TTC7B: variants seen among roughly 807,000 people sequenced by gnomAD.
TTC7B encodes the protein tetratricopeptide repeat protein 7B.
A neutral mutation model predicts 106.8 loss-of-function variants in TTC7B; 28 were observed. The ratio of observed to expected loss-of-function variants is 0.26; its 90% confidence interval spans 0.19 to 0.36. The LOEUF is 0.36. TTC7B is among the 10% of genes least tolerant of loss of function. The probability of loss-of-function intolerance (pLI) is 1.00; values close to 1 mark genes in which losing one functional copy is unlikely to be tolerated. For missense variants in TTC7B, 862 were observed against 1,076.4 expected, an observed-to-expected ratio of 0.80 and a Z score of 2.79; for synonymous variants, 405 against 430.6, an observed-to-expected ratio of 0.94 and a Z score of 0.74.
chr14:90,594,733 G>A (rs546228958), intron 17 of TTC7B, among the ~76,000 whole-genome samples: 11 of 152,234 alleles, frequency 7.2e-5, no homozygotes, highest in African/African-American at 2.6e-4. Flanking sequence ...AATAAATGGA[G>A]TTATATTCTT....
chr14:90,766,371 A>G (rs1172393733), intron 3 of TTC7B, among the ~76,000 whole-genome samples: 1 of 152,204 alleles, frequency 6.6e-6, no homozygotes, highest in African/African-American at 2.4e-5. Flanking sequence ...AGAAACACCC[A>G]TTTTAAAGAT....
intron 3 of TTC7B, among the ~76,000 whole-genome samples, chr14:90,758,979 T>C (rs11845085): frequency 0.081 from 12,385 of 152,274 alleles, 1,169 homozygotes; most frequent in African/African-American, 0.23. Flanking sequence ...GTATTATATT[T>C]TTACAATTCC....
At chr14:90,617,152 G>A (rs1279797921) in intron 16 of TTC7B, among the ~76,000 whole-genome samples, 3 of 152,138 alleles carry the variant, frequency 2.0e-5, no homozygotes, top group South Asian at 2.1e-4. Context: ...TCCCATTGAC[G>A]GAGCTACTTT....
In TTC7B at chr14:90,816,389, G is replaced by A. The variant is rs1346008038; in HGVS notation, c.-94C>T. The A allele has an allele frequency of 4.6e-5, 31 of 680,802 alleles. No individual in the cohort carries two copies. Among genetic ancestry groups the A allele is most frequent in the Non-Finnish European group, 5.6e-5 (31 of 555,094 alleles). 42.2% of individuals were successfully genotyped at this position (680,802 alleles called of 1,614,324 possible). A position where few individuals can be genotyped will look rare whatever the true frequency, so the allele number is the denominator to read the frequency against. On this transcript the variant is annotated 5_prime_UTR_variant, in exon 1 of 20. Transcript: ENST00000328459. Reference sequence around the variant, plus strand: ...GCCTCCCGCCGCCGCCGCGGGCTCGGGCTCCGGCTCCCGGCTCCGCGGCGT... The same window carrying A: ...GCCTCCCGCCGCCGCCGCGGGCTCGAGCTCCGGCTCCCGGCTCCGCGGCGT...
chr14:90,690,845 G>A (rs570337410), intron 6 of TTC7B, among the ~76,000 whole-genome samples: 2 of 152,268 alleles, frequency 1.3e-5, no homozygotes, highest in Admixed American at 6.5e-5. Flanking sequence ...ACACCACAAG[G>A]AAAATTAAAT....
intron 17 of TTC7B, among the ~76,000 whole-genome samples, chr14:90,594,113 C>T (rs1185653186): frequency 6.6e-6 from 1 of 152,112 alleles, no homozygotes; most frequent in Non-Finnish European, 1.5e-5. Flanking sequence ...CAAGCCTGGC[C>T]TTGGAGAGGT....
intron 3 of TTC7B, among the ~76,000 whole-genome samples, chr14:90,777,395 G>C (rs1021601560): frequency 6.6e-6 from 1 of 152,114 alleles, no homozygotes; most frequent in Non-Finnish European, 1.5e-5. Context: ...TTGGGGTTTG[G>C]AGAGTTAAAG....
chr14:90,551,715 G>A (rs1000464093), intron 19 of TTC7B, among the ~76,000 whole-genome samples: 6 of 152,192 alleles, frequency 3.9e-5, no homozygotes, highest in Admixed American at 6.5e-5. Flanking sequence ...GGTTTCCTTG[G>A]AGCAGCTCAG....
At chr14:90,747,881 C>T (rs369082722) in intron 3 of TTC7B, among the ~76,000 whole-genome samples, 13 of 152,166 alleles carry the variant, frequency 8.5e-5, no homozygotes, top group Admixed American at 7.9e-4. Context: ...AAACCTGCTT[C>T]GTCTGATATT....
rs186729175 is a variant in TTC7B at position 90,588,634 on chromosome 14, A to C, written c.2107+4852T>G. Among the ~76,000 whole-genome samples the C allele has an allele frequency of 3.5e-3, 527 of 152,314 alleles. 7 individuals are homozygous for C. Among genetic ancestry groups the C allele is most frequent in the African/African-American group, 0.012 (510 of 41,568 alleles). ...CTAATGGGGCTCTCCTGACTTCTGC[A>C]TAGTGAGACTGCAAAGGTGCTCACT... On this transcript the variant is annotated intron_variant, in intron 18 of 19. Transcript: ENST00000328459.
chr14:90,636,598 GA>G, intron 15 of TTC7B, among the ~76,000 whole-genome samples: 1 of 152,044 alleles, frequency 6.6e-6, no homozygotes, highest in Admixed American at 6.5e-5. Flanking sequence ...AACAAATGCA[GA>G]AAACATTCTT....
intron 5 of TTC7B, among the ~76,000 whole-genome samples, chr14:90,718,931 A>C (rs1205904112): frequency 6.6e-6 from 1 of 151,650 alleles, no homozygotes; most frequent in African/African-American, 2.4e-5. Flanking sequence ...AAATGGGGGC[A>C]AAGGGTTAAA....
chr14:90,782,125 C>T (rs886910518), intron 2 of TTC7B, among the ~76,000 whole-genome samples: 18 of 152,116 alleles, frequency 1.2e-4, no homozygotes, highest in African/African-American at 3.9e-4. Context: ...CCAGCGTGGT[C>T]GGCTTCCAGG....
chr14:90,736,504 G>A (rs1034605296), intron 4 of TTC7B, among the ~76,000 whole-genome samples: 4 of 151,978 alleles, frequency 2.6e-5, no homozygotes, highest in Admixed American at 1.3e-4. Context: ...CCCAGGAGGC[G>A]GAGGTAGCCG....
chr14:90,785,625 G>A, intron 2 of TTC7B, among the ~76,000 whole-genome samples: 1 of 152,148 alleles, frequency 6.6e-6, no homozygotes, highest in Non-Finnish European at 1.5e-5. Context: ...AATGAGACCG[G>A]AAAACAGAAT....
chr14:90,768,346 A>G (rs1298565861), intron 3 of TTC7B, among the ~76,000 whole-genome samples: 1 of 152,168 alleles, frequency 6.6e-6, no homozygotes, highest in Non-Finnish European at 1.5e-5. Context: ...CCTTCTTTAC[A>G]AGGCAGTGGG....
At chr14:90,777,346 G>A (rs1891066398) in intron 3 of TTC7B, among the ~76,000 whole-genome samples, 1 of 152,140 alleles carries the variant, frequency 6.6e-6, no homozygotes, top group Non-Finnish European at 1.5e-5. Context: ...CTACGCTTCT[G>A]CATAACCTCA....
chr14:90,761,797 C>T (rs936103096), intron 3 of TTC7B, among the ~76,000 whole-genome samples: 2 of 152,216 alleles, frequency 1.3e-5, no homozygotes, highest in African/African-American at 4.8e-5. Context: ...TCCCAACACA[C>T]ACAGCCTATC....
In TTC7B at chr14:90,742,787, G is replaced by C. The variant is rs1889819594; in HGVS notation, c.576+2005C>G. On this transcript the variant is annotated intron_variant, in intron 4 of 19. Transcript: ENST00000328459. This position sits in a 1 kb window ranked among gnomAD's most constrained non-coding sequence, Gnocchi z 4.1. ...TGCTGAAGAACCCAGCACTGAATGG[G>C]GTGTTGTGAGTGAACATAACAGAAG... 1.3e-5 allele frequency among the ~76,000 whole-genome samples: 2 copies of C among 152,264 alleles called. No individual in the cohort carries two copies. Among genetic ancestry groups the C allele is most frequent in the Middle Eastern group, 6.8e-3 (2 of 294 alleles).
Sources: allele counts gnomAD v4.1 joint callset (sites outside exome capture counted in the v4.1 genomes callset), GRCh38; gene constraint gnomAD v4.1.1; non-coding constraint Gnocchi (gnomAD v3.1); transcripts MANE v1.5; gene names NCBI Gene and HGNC (gene_info 2026-07-23, HGNC 2026-07-21).